Variants in ITGA1 observed in about 807,000 individuals in gnomAD.
The protein encoded by ITGA1 is integrin subunit alpha 1.
In ITGA1, 85 loss-of-function variants were observed where a neutral mutation model predicts 145.9. That is an observed-to-expected ratio of 0.58 (90% CI 0.49 to 0.70). ITGA1 has a LOEUF of 0.70. ITGA1 is among the 30% of genes least tolerant of loss of function. The probability of loss-of-function intolerance (pLI) is 0.00; values close to 1 mark genes in which losing one functional copy is unlikely to be tolerated. For synonymous variants in ITGA1, 520 were observed against 495.3 expected, an observed-to-expected ratio of 1.05 and a Z score of -0.66; for missense variants, 1,351 against 1,418.7, an observed-to-expected ratio of 0.95 and a Z score of 0.77.
intron 7 of ITGA1, among the ~76,000 whole-genome samples, chr5:52,887,588 A>T (rs1431879003): frequency 6.6e-6 from 1 of 152,132 alleles, no homozygotes; most frequent in Non-Finnish European, 1.5e-5. Context: ...TATATATAGG[A>T]TGTGTGGTGA....
At chr5:52,896,599 C>T (rs553713974) in intron 9 of ITGA1, among the ~76,000 whole-genome samples, 1 of 152,254 alleles carries the variant, frequency 6.6e-6, no homozygotes, top group Admixed American at 6.5e-5. Flanking sequence ...GGCAGACTGA[C>T]TTTCTTAAGT....
chr5:52,953,165 C>A lies in ITGA1; in HGVS notation c.*714C>A, dbSNP rs58445247. ...TTAAATTAAGCTTTTACAGAACATGCTTAATTTTGATATTGAGCTCTAAAT... is the reference window on the plus strand; with the variant it reads ...TTAAATTAAGCTTTTACAGAACATGATTAATTTTGATATTGAGCTCTAAAT... On this transcript the variant is annotated 3_prime_UTR_variant, in exon 29 of 29. Coordinates refer to ENST00000282588, the MANE Select transcript of ITGA1 (RefSeq NM_181501.2). 2 of 152,072 alleles carry A rather than the reference C, an allele frequency of 1.3e-5. No individual in the cohort carries two copies. The highest frequency in any genetic ancestry group is 4.8e-5 in the African/African-American group (2 of 41,400). 9.4% of individuals were successfully genotyped at this position (152,072 alleles called of 1,614,324 possible).
chr5:52,847,544 TTTTGTTTG>T (rs149706530), intron 1 of ITGA1, among the ~76,000 whole-genome samples: 2 of 151,594 alleles, frequency 1.3e-5, no homozygotes, highest in African/African-American at 4.9e-5. Context: ...TTGGAAATAA[TTTTGTTTG>T]TTTGTTTGTT....
At chr5:52,834,078 A>T (rs978335075) in intron 1 of ITGA1, among the ~76,000 whole-genome samples, 3 of 152,200 alleles carry the variant, frequency 2.0e-5, no homozygotes, top group Non-Finnish European at 4.4e-5. Flanking sequence ...AACATAAGAC[A>T]GTCCATGTGA....
At chr5:52,905,080 C>T (rs1232697450) in intron 11 of ITGA1, 1 of 152,094 alleles carries the variant, frequency 6.6e-6, no homozygotes, top group Non-Finnish European at 1.5e-5. Flanking sequence ...TACAAATTTT[C>T]TGGAAACAAT....
At chr5:52,800,645 A>G (rs1209375785) in intron 1 of ITGA1, 2 of 1,614,164 alleles carry the variant, frequency 1.2e-6, no homozygotes, top group Non-Finnish European at 8.5e-7. Context: ...CTGCGGGTTA[A>G]GGGGACCAAC....
chr5:52,911,173 A>G (rs1392929863), intron 14 of ITGA1, among the ~76,000 whole-genome samples: 1 of 136,892 alleles, frequency 7.3e-6, no homozygotes, highest in Non-Finnish European at 1.5e-5. Flanking sequence ...TATAGAGTAC[A>G]TATTGTATAT....
At chr5:52,941,506 A>G (rs977137259) in intron 26 of ITGA1, among the ~76,000 whole-genome samples, 1 of 152,004 alleles carries the variant, frequency 6.6e-6, no homozygotes, top group Non-Finnish European at 1.5e-5. Context: ...TTTGGCTTTT[A>G]TTTGCATTTC....
At chr5:52,940,087 T>C (rs2111900859) in intron 26 of ITGA1, 143 bp downstream of exon 26, 3 of 643,714 alleles carry the variant, frequency 4.7e-6, no homozygotes, top group East Asian at 2.7e-5. Context: ...GCCCCAGCTC[T>C]ACTTAACCAG....
intron 6 of ITGA1, among the ~76,000 whole-genome samples, chr5:52,869,782 G>A (rs1580071256): frequency 6.6e-6 from 1 of 151,912 alleles, no homozygotes; most frequent in African/African-American, 2.4e-5. Context: ...ATTATTTTAA[G>A]TATATTACTT....
intron 23 of ITGA1, among the ~76,000 whole-genome samples, chr5:52,935,530 A>G (rs1750952717): frequency 1.3e-5 from 2 of 152,170 alleles, no homozygotes; most frequent in Admixed American, 6.5e-5. Flanking sequence ...TGATCTTGGA[A>G]GTTCTTAATT....
intron 1 of ITGA1, among the ~76,000 whole-genome samples, chr5:52,837,681 TTAC>T (rs1220396773): frequency 2.0e-5 from 3 of 151,908 alleles, no homozygotes; most frequent in African/African-American, 7.3e-5. Context: ...ACATCTGCAG[TTAC>T]TTCAGTTTCA....
At chr5:52,916,834 G>C (rs1750655579) in intron 15 of ITGA1, among the ~76,000 whole-genome samples, 1 of 152,252 alleles carries the variant, frequency 6.6e-6, no homozygotes, top group Admixed American at 6.5e-5. Context: ...AATATTTATT[G>C]TATTAATTCT....
chr5:52,789,738 A>T (rs566494052), intron 1 of ITGA1, among the ~76,000 whole-genome samples: 2 of 152,260 alleles, frequency 1.3e-5, no homozygotes, highest in African/African-American at 4.8e-5. Context: ...TTTAGATTGT[A>T]TTTTGTTGTT....
intron 1 of ITGA1, among the ~76,000 whole-genome samples, chr5:52,838,718 A>G (rs942668501): frequency 2.6e-5 from 4 of 152,160 alleles, no homozygotes; most frequent in Non-Finnish European, 4.4e-5. Context: ...AAGTTAAAAC[A>G]TTTGTAAAAG....
intron 26 of ITGA1, among the ~76,000 whole-genome samples, chr5:52,944,527 G>T (rs565767283): frequency 2.0e-4 from 31 of 152,218 alleles, no homozygotes; most frequent in Non-Finnish European, 3.4e-4. Context: ...CTTAGTGGGA[G>T]AGATGGCTGT....
At chr5:52,888,849 C>T (rs1750097453) in intron 8 of ITGA1, among the ~76,000 whole-genome samples, 1 of 152,074 alleles carries the variant, frequency 6.6e-6, no homozygotes, top group South Asian at 2.1e-4. Context: ...TTGGGTGGTC[C>T]CAGAGGACAG....
At chr5:52,827,186 T>G (rs1440056816) in intron 1 of ITGA1, among the ~76,000 whole-genome samples, 1 of 151,688 alleles carries the variant, frequency 6.6e-6, no homozygotes, top group Non-Finnish European at 1.5e-5. Flanking sequence ...CATGGATGAC[T>G]TTAAGGAATT....
chr5:52,940,908 G>A (rs1191476156), intron 26 of ITGA1, among the ~76,000 whole-genome samples: 1 of 152,114 alleles, frequency 6.6e-6, no homozygotes, highest in Non-Finnish European at 1.5e-5. Flanking sequence ...CTCAGGTAGT[G>A]GGCATAATAC....
Sources: allele counts gnomAD v4.1 joint callset (sites outside exome capture counted in the v4.1 genomes callset), GRCh38; gene constraint gnomAD v4.1.1; transcripts MANE v1.5; gene names NCBI Gene and HGNC (gene_info 2026-07-23, HGNC 2026-07-21).